The following UTY variants were observed in gnomAD, a reference collection of about 807,000 sequenced individuals.
UTY encodes histone demethylase UTY.
Under a neutral mutation model 32.5 loss-of-function variants are expected in UTY, and 12 were observed. The ratio of observed to expected loss-of-function variants is 0.37; its 90% confidence interval spans 0.24 to 0.60. UTY has a LOEUF of 0.60. UTY is among the 20% of genes least tolerant of loss of function. The pLI is 0.69. For missense variants in UTY, 303 were observed against 299.2 expected (o/e 1.01, Z -0.09); for synonymous variants, 131 against 103.4 (o/e 1.27, Z -1.62).
chrY:13,294,837 C>T (rs2057935255), intron 27 of UTY, among the ~76,000 whole-genome samples: 1 of 33,066 alleles, frequency 3.0e-5, no homozygotes, highest in Admixed American at 2.7e-4. Context: ...GCAGGTGGAT[C>T]GCCTGAGGTC....
downstream of UTY, among the ~76,000 whole-genome samples, chrY:13,243,498 G>A (rs2148324532): frequency 3.1e-5 from 1 of 32,618 alleles, no homozygotes; most frequent in South Asian, 6.7e-4. Flanking sequence ...CACAGCTAAG[G>A]AAACAATCAC....
intron 8 of UTY, among the ~76,000 whole-genome samples, chrY:13,382,661 G>C: frequency 2.9e-5 from 1 of 34,087 alleles, no homozygotes; most frequent in African/African-American, 1.1e-4. Flanking sequence ...ACAACGTGTG[G>C]AGGGCAGCTT....
At chrY:13,387,807 T>C in intron 8 of UTY, among the ~76,000 whole-genome samples, 1 of 33,578 alleles carries the variant, frequency 3.0e-5, no homozygotes, top group Non-Finnish European at 7.4e-5. Flanking sequence ...TGAAACTCTG[T>C]CTTAACAACA....
intron 28 of UTY, among the ~76,000 whole-genome samples, chrY:13,237,152 T>C (rs1023343917): frequency 3.8e-4 from 13 of 34,180 alleles, no homozygotes; most frequent in Non-Finnish European, 8.8e-4. Flanking sequence ...TTTGAACTAA[T>C]GAATGAGTTC....
chrY:13,479,939 C>T lies in UTY; in HGVS notation c.-274G>A. The T allele has an allele frequency of 1.7e-5, 2 of 120,472 alleles. No individual in the cohort carries two copies. The highest frequency in any genetic ancestry group is 3.3e-5 in the Non-Finnish European group (2 of 61,475). 30.1% of individuals were successfully genotyped at this position (120,472 alleles called of 400,897 possible). A position where few individuals can be genotyped will look rare whatever the true frequency, so the allele number is the denominator to read the frequency against. On this transcript the variant is annotated 5_prime_UTR_variant, in exon 1 of 30. Transcript: ENST00000545955. ...TTAAAATCACAAACTTTGCCAGCAC[C>T]AGCACAAAGTTGTAATTGTGTCACG...
intron 4 of UTY, among the ~76,000 whole-genome samples, chrY:13,420,704 T>G: frequency 3.1e-5 from 1 of 32,764 alleles, no homozygotes. Flanking sequence ...AAGCTAAAAC[T>G]GAACCCCTTC....
At chrY:13,472,469 A>G (rs2078605082) in intron 2 of UTY, among the ~76,000 whole-genome samples, 1 of 33,215 alleles carries the variant, frequency 3.0e-5, no homozygotes, top group South Asian at 6.5e-4. Context: ...ACTTTCATAG[A>G]GTATTAGCAC....
Position 13,479,292 on chromosome Y carries a change from G to T in UTY, c.178C>A (p.His60Asn). ...GTCTTCGTTCTGGCGCCATCTTCAT[G>T]AAGCCTCACGAACCCGAAGAGACGG... ...DSRLFGFVRL[H>N]EDGARTKTLL... Residue 60 changes from histidine to asparagine, a missense_variant, in exon 2 of 30, where the codon CAT (histidine) becomes AAT (asparagine). His to Asn is a moderately conservative substitution (Grantham distance 68, BLOSUM62 1). Coordinates refer to ENST00000545955, the MANE Select transcript of UTY (RefSeq NM_001258249.2). 1 of 398,382 alleles carries T rather than the reference G, an allele frequency of 2.5e-6. No individual in the cohort carries two copies.
At chrY:13,480,577 C>T (rs991792025), upstream of UTY, 6 of 30,276 alleles carry the variant, frequency 2.0e-4, no homozygotes, top group African/African-American at 6.5e-4. Flanking sequence ...GGCATAATAT[C>T]TTATGACCTC....
chrY:13,388,347 A>G, intron 8 of UTY, among the ~76,000 whole-genome samples: 1 of 34,044 alleles, frequency 2.9e-5, no homozygotes, highest in African/African-American at 1.1e-4. Context: ...GCATTATAGT[A>G]AAGGTCAAAT....
At chrY:13,383,023 G>A in intron 8 of UTY, among the ~76,000 whole-genome samples, 1 of 33,342 alleles carries the variant, frequency 3.0e-5, no homozygotes, top group African/African-American at 1.2e-4. Flanking sequence ...ATACTGGGCC[G>A]GGCGCAGTGG....
chrY:13,346,405 C>T, intron 17 of UTY, among the ~76,000 whole-genome samples: 1 of 33,449 alleles, frequency 3.0e-5, no homozygotes, highest in East Asian at 7.8e-4. Context: ...ACACTTTAAT[C>T]CTGAAGTATC....
intron 8 of UTY, among the ~76,000 whole-genome samples, chrY:13,373,362 G>A (rs2065110760): frequency 3.0e-5 from 1 of 33,813 alleles, no homozygotes; most frequent in Non-Finnish European, 7.3e-5. Context: ...GCTGAAGTCA[G>A]AAGAAAATGA....
At chrY:13,247,904 A>G (rs2053968566), downstream of UTY, among the ~76,000 whole-genome samples, 1 of 33,454 alleles carries the variant, frequency 3.0e-5, no homozygotes, top group African/African-American at 1.2e-4. Context: ...TAGCTCTGGT[A>G]TTCTAGATGT....
intron 8 of UTY, among the ~76,000 whole-genome samples, chrY:13,370,931 T>G: frequency 3.1e-5 from 1 of 32,168 alleles, no homozygotes; most frequent in Admixed American, 2.9e-4. Context: ...ACACCTGTAA[T>G]CTTGTAATCT....
At position 13,414,737 on chromosome Y, in the gene UTY, A is replaced by G; in HGVS notation, c.432T>C (p.His144=). The stretch of plus-strand genomic sequence containing the variant: ...ACAAATGGTATAAGTCAACTTACCA[A>G]TGAAATGCATTGTAGTAGAAGTAGA... ...GLVYFYYNAF[H]WAIKAFQDVL... The change falls in exon 5 of 30, where the codon CAT becomes CAC. Residue 144 remains histidine, a splice_region_variant and synonymous_variant. Transcript: ENST00000545955. The G allele has an allele frequency of 2.6e-6, 1 of 386,525 alleles. No individual in the cohort carries two copies. Among genetic ancestry groups the G allele is most frequent in the Non-Finnish European group, 3.6e-6 (1 of 276,442 alleles).
At chrY:13,474,890 C>T (rs2078893216) in intron 2 of UTY, among the ~76,000 whole-genome samples, 1 of 33,510 alleles carries the variant, frequency 3.0e-5, no homozygotes, top group Non-Finnish European at 7.4e-5. Flanking sequence ...AGAGTCACCA[C>T]GCCAGGCCAA....
intron 8 of UTY, among the ~76,000 whole-genome samples, chrY:13,377,133 C>T: frequency 3.0e-5 from 1 of 33,195 alleles, no homozygotes; most frequent in African/African-American, 1.2e-4. Flanking sequence ...TTTAAAGATG[C>T]TAAAACAAAA....
chrY:13,445,451 T>G, intron 4 of UTY, among the ~76,000 whole-genome samples: 1 of 28,260 alleles, frequency 3.5e-5, no homozygotes, highest in African/African-American at 1.4e-4. Flanking sequence ...AAAATACATC[T>G]TCACAAAACT....
Sources: gnomAD v4.1 joint callset for allele counts (sites outside exome capture counted in the v4.1 genomes callset) on GRCh38, gnomAD v4.1.1 for gene constraint, MANE v1.5 for transcripts, NCBI Gene and HGNC (gene_info 2026-07-23, HGNC 2026-07-21) for gene names.